Variants in WWOX observed in about 807,000 individuals in gnomAD.
WWOX encodes the protein WW domain containing oxidoreductase.
Under a neutral mutation model 46.2 loss-of-function variants are expected in WWOX, and 69 were observed. The observed-to-expected ratio is 1.49, with a 90% CI of 1.23 to 1.82. The LOEUF (loss-of-function observed/expected upper bound fraction) is 1.82. Among genes scored for constraint, WWOX ranks in the 40% most tolerant of loss-of-function variants. The probability of loss-of-function intolerance (pLI) is 0.00; values close to 1 mark genes in which losing one functional copy is unlikely to be tolerated. For missense variants in WWOX, 919 were observed against 542.6 expected (o/e 1.69, Z -6.89); for synonymous variants, 359 against 202.6 (o/e 1.77, Z -6.56).
rs1210820772 is a variant in WWOX, at chr16:78,346,715, C to A, written c.517-40145C>A. 1.7e-5 allele frequency among the ~76,000 whole-genome samples: 2 copies of A among 118,130 alleles called. 1 individual carries two copies. Among genetic ancestry groups the A allele is most frequent in the Admixed American group, 1.7e-4 (2 of 12,040 alleles). 77.5% of individuals were successfully genotyped at this position (118,130 alleles called of 152,430 possible). On this transcript the variant is annotated intron_variant, in intron 5 of 8. Transcript: ENST00000566780. Reference sequence around the variant, plus strand: ...CATATCTATGTTATTTTATTATTTACTTTTTTTGAGATGGAGTCTCGCTCT... The same window carrying A: ...CATATCTATGTTATTTTATTATTTAATTTTTTTGAGATGGAGTCTCGCTCT...
At chr16:78,361,500 G>A (rs544486592) in intron 5 of WWOX, among the ~76,000 whole-genome samples, 2 of 152,266 alleles carry the variant, frequency 1.3e-5, no homozygotes, top group African/African-American at 4.8e-5. Context: ...CTGCAGCAGT[G>A]TTTACCATGA....
At chr16:78,549,972 C>T (rs372345225) in intron 8 of WWOX, among the ~76,000 whole-genome samples, 1 of 152,038 alleles carries the variant, frequency 6.6e-6, no homozygotes, top group South Asian at 2.1e-4. Context: ...CTGAAAATTC[C>T]CATCCCACCC....
intron 5 of WWOX, among the ~76,000 whole-genome samples, chr16:78,230,870 A>G (rs2037240260): frequency 6.6e-6 from 1 of 152,230 alleles, no homozygotes; most frequent in Non-Finnish European, 1.5e-5. Context: ...TAGATTCTCC[A>G]TGCCACTCCT....
intron 5 of WWOX, among the ~76,000 whole-genome samples, chr16:78,344,267 C>T (rs1021587548): frequency 8.3e-6 from 1 of 120,294 alleles, no homozygotes; most frequent in Admixed American, 8.1e-5. Context: ...AGGTGATAAG[C>T]ATTTCTTTGT....
chr16:78,676,340 C>G (rs561986969), intron 8 of WWOX, among the ~76,000 whole-genome samples: 1 of 152,018 alleles, frequency 6.6e-6, no homozygotes, highest in Non-Finnish European at 1.5e-5. Flanking sequence ...GCATTGCCCT[C>G]CATTCAGATC....
At chr16:79,011,020 T>A (rs946152721) in intron 8 of WWOX, among the ~76,000 whole-genome samples, 7 of 152,108 alleles carry the variant, frequency 4.6e-5, no homozygotes, top group African/African-American at 1.7e-4. Flanking sequence ...CGATGATTTC[T>A]AACATCTCAC....
At chr16:78,405,288 G>A (rs1481617452) in intron 6 of WWOX, among the ~76,000 whole-genome samples, 1 of 152,086 alleles carries the variant, frequency 6.6e-6, no homozygotes, top group African/African-American at 2.4e-5. Context: ...CTGGGTAACT[G>A]TTTTGGATTA....
intron 8 of WWOX, among the ~76,000 whole-genome samples, chr16:78,881,060 C>T (rs1024801613): frequency 2.7e-5 from 4 of 147,228 alleles, no homozygotes; most frequent in East Asian, 2.0e-4. Flanking sequence ...GGCAGGATCA[C>T]GGCTCACTGC....
chr16:78,117,760 G>A (rs1050541759), intron 4 of WWOX, among the ~76,000 whole-genome samples: 1 of 152,158 alleles, frequency 6.6e-6, no homozygotes, highest in Non-Finnish European at 1.5e-5. Context: ...TTACTTCCAA[G>A]ACTTCTGGGG....
rs528891229 is a variant in WWOX, at chr16:79,051,172, T to C, written c.1057-160436T>C. 4.6e-5 allele frequency among the ~76,000 whole-genome samples: 7 copies of C among 152,330 alleles called. No homozygotes were observed. The East Asian group carries it at 1.3e-3, about 29-fold the overall frequency. On this transcript the variant is annotated intron_variant, in intron 8 of 8. Transcript: ENST00000566780. ...TGTTAATATATGTGTGACTTGAAGTTGGAGCCTGTTGGGAGAAAAAGTTGT... is the reference window on the plus strand; with the variant it reads ...TGTTAATATATGTGTGACTTGAAGTCGGAGCCTGTTGGGAGAAAAAGTTGT...
chr16:79,040,690 C>G (rs556158833), intron 8 of WWOX, among the ~76,000 whole-genome samples: 1 of 152,120 alleles, frequency 6.6e-6, no homozygotes, highest in Non-Finnish European at 1.5e-5. Flanking sequence ...CCCAGCTACC[C>G]TGCAAAAGAG....
intron 8 of WWOX, among the ~76,000 whole-genome samples, chr16:78,447,197 C>A (rs2083581049): frequency 1.3e-5 from 2 of 152,110 alleles, no homozygotes; most frequent in South Asian, 2.1e-4. Flanking sequence ...TTGGAACGGA[C>A]CCTGGACAGA....
chr16:78,963,722 C>T (rs777261501), intron 8 of WWOX, among the ~76,000 whole-genome samples: 4 of 152,156 alleles, frequency 2.6e-5, no homozygotes, highest in Admixed American at 6.5e-5. Context: ...CACACAGACA[C>T]ATATTGTTTT....
At chr16:78,586,250 T>A (rs1373540437) in intron 8 of WWOX, among the ~76,000 whole-genome samples, 1 of 152,162 alleles carries the variant, frequency 6.6e-6, no homozygotes, top group Non-Finnish European at 1.5e-5. Context: ...TGAGCCAAGA[T>A]CATGCCACTG....
At chr16:78,999,124 C>T (rs752899693) in intron 8 of WWOX, among the ~76,000 whole-genome samples, 44 of 151,490 alleles carry the variant, frequency 2.9e-4, no homozygotes, top group Non-Finnish European at 5.1e-4. Context: ...AAGAACCCAG[C>T]GCCAGTGGCT....
chr16:78,124,280 G>A (rs1169509250), intron 4 of WWOX: 2 of 152,000 alleles, frequency 1.3e-5, no homozygotes, highest in East Asian at 1.9e-4. Flanking sequence ...AAGATATTTT[G>A]GTTGTTCATA....
intron 8 of WWOX, among the ~76,000 whole-genome samples, chr16:78,458,054 G>A (rs2083865187): frequency 8.2e-6 from 1 of 122,134 alleles, no homozygotes; most frequent in African/African-American, 5.3e-5. Context: ...TCCAGCCTGG[G>A]TGACAAAAAA....
intron 8 of WWOX, among the ~76,000 whole-genome samples, chr16:78,694,491 G>T (rs1033867950): frequency 2.0e-5 from 3 of 152,022 alleles, no homozygotes; most frequent in Admixed American, 6.5e-5. Context: ...CCATTGCTTT[G>T]CTCCAGTATC....
chr16:78,997,004 G>C (rs1256442521), intron 8 of WWOX, among the ~76,000 whole-genome samples: 1 of 152,210 alleles, frequency 6.6e-6, no homozygotes, highest in Non-Finnish European at 1.5e-5. Context: ...GCTCAAATGT[G>C]CGTCTCTGGC....
Sources: gnomAD v4.1 joint callset for allele counts (sites outside exome capture counted in the v4.1 genomes callset) on GRCh38, gnomAD v4.1.1 for gene constraint, MANE v1.5 for transcripts, NCBI Gene and HGNC (gene_info 2026-07-23, HGNC 2026-07-21) for gene names.